UNC13C: variants seen among roughly 807,000 people sequenced by gnomAD.
The protein encoded by UNC13C is unc-13 homolog C, also known as protein unc-13 homolog C.
A neutral mutation model predicts 245.4 loss-of-function variants in UNC13C; 174 were observed. The ratio of observed to expected loss-of-function variants is 0.71; its 90% CI spans 0.63 to 0.80. The LOEUF is 0.80. Among genes scored for constraint, UNC13C ranks in the 30% least tolerant of loss-of-function variants. The probability of loss-of-function intolerance (pLI) is 0.00; values close to 1 mark genes in which losing one functional copy is unlikely to be tolerated. For missense variants in UNC13C, 2,829 were observed against 2,602.9 expected (o/e 1.09, Z -1.89); for synonymous variants, 992 against 895.1 (o/e 1.11, Z -1.93).
intron 4 of UNC13C, among the ~76,000 whole-genome samples, chr15:54,179,780 C>T (rs780354766): frequency 1.1e-4 from 17 of 151,842 alleles, no homozygotes; most frequent in East Asian, 7.7e-4. Flanking sequence ...CATCAAGTTA[C>T]GAATTCAAAA....
chr15:54,431,949 T>C (rs1020598634), intron 19 of UNC13C, among the ~76,000 whole-genome samples: 5 of 151,636 alleles, frequency 3.3e-5, no homozygotes, highest in African/African-American at 1.2e-4. Context: ...ATTACCCTAA[T>C]TTGATTATAT....
chr15:54,249,138 G>A (rs1473453734), intron 7 of UNC13C, among the ~76,000 whole-genome samples: 2 of 152,124 alleles, frequency 1.3e-5, no homozygotes, highest in Non-Finnish European at 1.5e-5. Context: ...TTTCTCTCAG[G>A]AAGTCACCTG....
intron 4 of UNC13C, among the ~76,000 whole-genome samples, chr15:54,189,795 A>G (rs1287888587): frequency 2.0e-5 from 3 of 152,144 alleles, no homozygotes; most frequent in Non-Finnish European, 4.4e-5. Context: ...AGAGAAATAC[A>G]TGCCACAAAC....
chr15:54,413,514 A>G (rs2040455363), intron 18 of UNC13C, among the ~76,000 whole-genome samples: 1 of 152,182 alleles, frequency 6.6e-6, no homozygotes, highest in African/African-American at 2.4e-5. Context: ...TCAGTAAAGT[A>G]AAATTTAATA....
intron 17 of UNC13C, among the ~76,000 whole-genome samples, chr15:54,382,661 G>A (rs28795159): frequency 0.041 from 6,145 of 151,342 alleles, 414 homozygotes; most frequent in African/African-American, 0.14. Flanking sequence ...AACTAGAAAA[G>A]CAAGAATAAA....
intron 2 of UNC13C, among the ~76,000 whole-genome samples, chr15:54,083,711 T>C (rs1899080642): frequency 6.6e-6 from 1 of 152,240 alleles, no homozygotes. Context: ...TGGGGCAGCC[T>C]ACACCAAGGG....
At chr15:54,241,271 T>C (rs1020466791) in intron 7 of UNC13C, among the ~76,000 whole-genome samples, 13 of 152,110 alleles carry the variant, frequency 8.5e-5, no homozygotes, top group African/African-American at 3.1e-4. Context: ...GAAGTTTGTC[T>C]AGGATTCAGA....
intron 14 of UNC13C, among the ~76,000 whole-genome samples, chr15:54,325,113 A>C (rs2038262173): frequency 6.6e-6 from 1 of 152,074 alleles, no homozygotes; most frequent in African/African-American, 2.4e-5. Flanking sequence ...ATTAAAGCTC[A>C]ATTATTCCAT....
intron 4 of UNC13C, among the ~76,000 whole-genome samples, chr15:54,157,429 A>G (rs1165192386): frequency 1.3e-5 from 2 of 152,192 alleles, no homozygotes; most frequent in East Asian, 1.9e-4. Flanking sequence ...TTCTTTTCAA[A>G]TCTAGCACAC....
Position 54,297,893 on chromosome 15 carries a change from T to G in UNC13C, c.4071T>G (p.Ala1357=), listed in dbSNP as rs1259325567. 6.2e-7 allele frequency: 1 copy of G among 1,607,310 alleles called. No individual in the cohort carries two copies. ...AGATAAAAGGAGAAGAGAAGGTTGC[T>G]CCATATCATATTCAATATACATGTT... ...NVEIKGEEKV[A]PYHIQYTCLH... The change falls in exon 12 of 33, where the codon GCT becomes GCG. Residue 1357 remains alanine, a synonymous_variant. Coordinates refer to ENST00000260323, the MANE Select transcript of UNC13C (RefSeq NM_001080534.3).
the UNC13C span, among the ~76,000 whole-genome samples, chr15:53,952,536 A>G: frequency 6.6e-6 from 1 of 152,192 alleles, no homozygotes; most frequent in South Asian, 2.1e-4. Flanking sequence ...TCAAATTTTG[A>G]TGGTTATTTG....
intron 26 of UNC13C, among the ~76,000 whole-genome samples, chr15:54,538,306 C>T (rs895220298): frequency 1.3e-5 from 2 of 151,926 alleles, no homozygotes; most frequent in Non-Finnish European, 2.9e-5. Context: ...TACCATCTCA[C>T]ACCAATCAGG....
rs146611577 is a variant in UNC13C at position 54,601,262 on chromosome 15, C to T, written c.6107-21065C>T. Among the ~76,000 whole-genome samples the T allele has an allele frequency of 2.5e-4, 38 of 152,188 alleles. No individual in the cohort carries two copies. In the East Asian group the frequency reaches 4.1e-3, roughly 16 times the overall value. ...ATATACCAGGAACTCTTTGGGATGC[C>T]GCAGGGAATCCAGAGGGTAATAGGG... On this transcript the variant is annotated intron_variant, in intron 30 of 32. Transcript: ENST00000260323.
rs151067741 is a variant in UNC13C, at chr15:54,261,907, A to C, written c.3449-2261A>C. Among the ~76,000 whole-genome samples, 923 of 152,260 alleles carry C rather than the reference A, an allele frequency of 6.1e-3. 7 individuals are homozygous for C. The highest frequency in any genetic ancestry group is 0.01 in the Non-Finnish European group (714 of 68,018). On this transcript the variant is annotated intron_variant, in intron 8 of 32. Coordinates refer to ENST00000260323, the MANE Select transcript of UNC13C (RefSeq NM_001080534.3). ...GAAATAACAGAGAAAATGCTTAAAC[A>C]TATGTCTCTATTAACCTGCTGTCCA... is the stretch of plus-strand genomic sequence containing the variant.
At chr15:54,530,776 G>C (rs74016653) in intron 25 of UNC13C, among the ~76,000 whole-genome samples, 4,389 of 152,170 alleles carry the variant, frequency 0.029, 196 homozygotes, top group African/African-American at 0.1. Context: ...AACACCAGGA[G>C]GTCTATTGTG....
chr15:53,877,774 A>C, the UNC13C span, among the ~76,000 whole-genome samples: 3 of 152,188 alleles, frequency 2.0e-5, no homozygotes, highest in Non-Finnish European at 4.4e-5. Context: ...ATACCTAATA[A>C]AGACATAGAC....
At chr15:54,470,999 A>G (rs940576367) in intron 19 of UNC13C, among the ~76,000 whole-genome samples, 13 of 151,132 alleles carry the variant, frequency 8.6e-5, no homozygotes, top group African/African-American at 2.9e-4. Context: ...TTCAATTTCC[A>G]TATATTTGTT....
At chr15:54,198,268 A>G (rs2034419636) in intron 4 of UNC13C, among the ~76,000 whole-genome samples, 1 of 152,002 alleles carries the variant, frequency 6.6e-6, no homozygotes. Context: ...AAAGCTCATG[A>G]TCTCTTGGCC....
Position 54,209,399 on chromosome 15 carries a change from G to A in UNC13C, c.3072-25631G>A, listed in dbSNP as rs115109045. Among the ~76,000 whole-genome samples, 393 of 150,102 alleles carry A rather than the reference G, an allele frequency of 2.6e-3. 6 individuals carry two copies. The highest frequency in any genetic ancestry group is 9.3e-3 in the African/African-American group (381 of 40,806). ...TCCTGAACTGACCCTTTACATTTTA[G>A]TGTTTTCTTTTTGGTTTTTTGTTTT... On this transcript the variant is annotated intron_variant, in intron 4 of 32. Transcript: ENST00000260323.
Sources: gnomAD v4.1 joint callset for allele counts (sites outside exome capture counted in the v4.1 genomes callset) on GRCh38, gnomAD v4.1.1 for gene constraint, MANE v1.5 for transcripts, NCBI Gene and HGNC (gene_info 2026-07-23, HGNC 2026-07-21) for gene names.